Variants in FOXP1 observed in about 807,000 individuals in gnomAD.
FOXP1 encodes the protein forkhead box protein P1.
A neutral mutation model predicts 98.2 loss-of-function variants in FOXP1; 15 were observed. The observed-to-expected ratio is 0.15, with a 90% confidence interval of 0.10 to 0.24. The LOEUF (loss-of-function observed/expected upper bound fraction) is 0.24. Among genes scored for constraint, FOXP1 ranks in the 10% least tolerant of loss-of-function variants. The pLI, the probability that FOXP1 is intolerant of heterozygous loss-of-function variation, is 1.00. For missense variants in FOXP1, 633 were observed against 848.5 expected (o/e 0.75, Z 3.15); for synonymous variants, 371 against 314.5 (o/e 1.18, Z -1.90).
intron 5 of FOXP1, among the ~76,000 whole-genome samples, chr3:71,234,167 A>C (rs1576508748): frequency 6.6e-6 from 1 of 152,326 alleles, no homozygotes; most frequent in African/African-American, 2.4e-5. Context: ...AGTAAAAAAA[A>C]AAAATAAGAA....
chr3:71,287,930 G>A (rs1237072863), intron 5 of FOXP1, among the ~76,000 whole-genome samples: 1 of 151,550 alleles, frequency 6.6e-6, no homozygotes, highest in East Asian at 1.9e-4. Flanking sequence ...GCCCAGGCTG[G>A]AGTGCAATGG....
chr3:71,133,587 A>G (rs1039352847), intron 6 of FOXP1, among the ~76,000 whole-genome samples: 1 of 152,234 alleles, frequency 6.6e-6, no homozygotes, highest in Non-Finnish European at 1.5e-5. Context: ...ATGTTTACAC[A>G]GTGGTTTGAT....
intron 5 of FOXP1, among the ~76,000 whole-genome samples, chr3:71,294,598 A>G (rs1365377412): frequency 1.3e-5 from 2 of 152,148 alleles, no homozygotes; most frequent in African/African-American, 4.8e-5. Context: ...GAATTAATAT[A>G]TGTATGTATG....
intron 3 of FOXP1, among the ~76,000 whole-genome samples, chr3:71,360,152 A>C (rs2078455793): frequency 6.6e-6 from 1 of 152,216 alleles, no homozygotes; most frequent in African/African-American, 2.4e-5. Flanking sequence ...CATCCTGAGA[A>C]ATAAGAAAAA....
intron 3 of FOXP1, among the ~76,000 whole-genome samples, chr3:71,487,488 T>C (rs929554299): frequency 2.0e-5 from 3 of 152,244 alleles, no homozygotes; most frequent in Admixed American, 2.0e-4. Flanking sequence ...CCTTATACAC[T>C]GCATTGTAAA....
chr3:71,496,700 G>A (rs2091439066), intron 2 of FOXP1, among the ~76,000 whole-genome samples: 1 of 152,056 alleles, frequency 6.6e-6, no homozygotes, highest in Non-Finnish European at 1.5e-5. Context: ...CCAGCTACTA[G>A]GGAGGCTGAG....
chr3:71,555,210 T>C (rs1264204225), intron 2 of FOXP1, among the ~76,000 whole-genome samples: 1 of 152,192 alleles, frequency 6.6e-6, no homozygotes, highest in Non-Finnish European at 1.5e-5. Context: ...AGCCTTTATT[T>C]CAGATAAATT....
rs189693606 is a variant in FOXP1 at position 71,556,625 on chromosome 3, A to C, written c.-298+24924T>G. On this transcript the variant is annotated intron_variant, in intron 2 of 20. Coordinates refer to ENST00000649528, the MANE Select transcript of FOXP1 (RefSeq NM_001349338.3). ...AAAATCTAGAAAGGTTAGTTTACTC[A>C]ATGTTGGCCAAACTGCAATGAAGTG... 4.5e-3 allele frequency among the ~76,000 whole-genome samples: 680 copies of C among 150,612 alleles called. 2 individuals are homozygous for C. The highest frequency in any genetic ancestry group is 6.3e-3 in the South Asian group (30 of 4,770).
intron 20 of FOXP1, among the ~76,000 whole-genome samples, chr3:70,962,479 T>C (rs1271291574): frequency 6.6e-6 from 1 of 152,218 alleles, no homozygotes. Context: ...GCAAGCATTA[T>C]TTGTGAAAAA....
intron 3 of FOXP1, among the ~76,000 whole-genome samples, chr3:71,420,958 C>T (rs573277273): frequency 6.6e-6 from 1 of 152,218 alleles, no homozygotes; most frequent in African/African-American, 2.4e-5. Flanking sequence ...TCTGGTGAGC[C>T]CTATGCCCAG....
intron 4 of FOXP1, among the ~76,000 whole-genome samples, chr3:71,344,206 T>C (rs1004470298): frequency 2.0e-5 from 3 of 152,160 alleles, no homozygotes; most frequent in African/African-American, 7.2e-5. Flanking sequence ...GGGATACGAG[T>C]ATTTAATTTA....
chr3:71,298,764 AC>A (rs80230423), intron 5 of FOXP1, among the ~76,000 whole-genome samples: 7,166 of 151,350 alleles, frequency 0.047, 269 homozygotes, highest in African/African-American at 0.11. Context: ...GCATTCTAGA[AC>A]CCCCCCAAGC....
chr3:71,097,243 A>G (rs1224452118), intron 7 of FOXP1, among the ~76,000 whole-genome samples: 3 of 152,220 alleles, frequency 2.0e-5, no homozygotes, highest in Non-Finnish European at 2.9e-5. Flanking sequence ...GGGAAAAACA[A>G]AAGAAGAATG....
At chr3:71,150,949 G>C (rs955667051) in intron 6 of FOXP1, among the ~76,000 whole-genome samples, 1 of 152,048 alleles carries the variant, frequency 6.6e-6, no homozygotes, top group African/African-American at 2.4e-5. Context: ...TAAGATATTT[G>C]GAATACTGGA....
chr3:71,181,527 T>C (rs548576957), intron 6 of FOXP1, among the ~76,000 whole-genome samples: 1 of 151,824 alleles, frequency 6.6e-6, no homozygotes, highest in Non-Finnish European at 1.5e-5. Context: ...GGTTTTCAAC[T>C]CTCATCAGTG....
At chr3:71,507,386 T>C (rs1232682675) in intron 2 of FOXP1, among the ~76,000 whole-genome samples, 1 of 151,786 alleles carries the variant, frequency 6.6e-6, no homozygotes, top group Non-Finnish European at 1.5e-5. Context: ...CACAAAGGAA[T>C]ACATCACAGC....
At chr3:71,398,162 T>C (rs972733092) in intron 3 of FOXP1, among the ~76,000 whole-genome samples, 1 of 152,228 alleles carries the variant, frequency 6.6e-6, no homozygotes, top group Non-Finnish European at 1.5e-5. Context: ...GTGCAAATAA[T>C]GCTAAAACCA....
Position 71,125,079 on chromosome 3 carries a change from T to C in FOXP1, c.181-12442A>G, listed in dbSNP as rs2059064427. ...AAATGTACTTGAGCAACTATGACTC[T>C]GACTCTTACCAAACATTCACCCATG... On this transcript the variant is annotated intron_variant, in intron 6 of 20. Coordinates refer to ENST00000649528, the MANE Select transcript of FOXP1 (RefSeq NM_001349338.3). 2.0e-5 allele frequency among the ~76,000 whole-genome samples: 3 copies of C among 152,344 alleles called. No individual in the cohort carries two copies. In the South Asian group the frequency reaches 6.2e-4, roughly 32 times the overall value.
intron 3 of FOXP1, among the ~76,000 whole-genome samples, chr3:71,456,100 A>G (rs1275597800): frequency 6.6e-6 from 1 of 152,202 alleles, no homozygotes; most frequent in Non-Finnish European, 1.5e-5. Flanking sequence ...TGTGGAAAGA[A>G]TAACAGTTGC....
Sources: gnomAD v4.1 joint callset for allele counts (sites outside exome capture counted in the v4.1 genomes callset) on GRCh38, gnomAD v4.1.1 for gene constraint, MANE v1.5 for transcripts, NCBI Gene and HGNC (gene_info 2026-07-23, HGNC 2026-07-21) for gene names.